The following SRPK1 variants were observed in gnomAD, a reference collection of about 807,000 sequenced individuals.
The protein encoded by SRPK1 is SFRS protein kinase 1.
A neutral mutation model predicts 89.5 loss-of-function variants in SRPK1; 52 were observed. The observed-to-expected ratio is 0.58, with a 90% CI of 0.46 to 0.73. SRPK1 has a LOEUF of 0.73. Among genes scored for constraint, SRPK1 ranks in the 30% least tolerant of loss-of-function variants. The pLI, the probability that SRPK1 is intolerant of heterozygous loss-of-function variation, is 0.00. For synonymous variants in SRPK1, 255 were observed against 270.2 expected, an observed-to-expected ratio of 0.94 and a Z score of 0.55; for missense variants, 603 against 780.6, an observed-to-expected ratio of 0.77 and a Z score of 2.71.
intron 13 of SRPK1, among the ~76,000 whole-genome samples, chr6:35,856,043 T>G (rs1042441394): frequency 1.3e-5 from 2 of 152,116 alleles, no homozygotes; most frequent in Non-Finnish European, 2.9e-5. Context: ...TAGTTTTAGA[T>G]GAAAGTTGGA....
chr6:35,883,888 C>T (rs1770349277), intron 6 of SRPK1, among the ~76,000 whole-genome samples: 1 of 151,982 alleles, frequency 6.6e-6, no homozygotes, highest in African/African-American at 2.4e-5. Context: ...GCGCCTGCCA[C>T]CACGCCCAGC....
At chr6:35,853,884 AT>A (rs1202393460) in intron 13 of SRPK1, among the ~76,000 whole-genome samples, 1 of 134,338 alleles carries the variant, frequency 7.4e-6, no homozygotes, top group Non-Finnish European at 1.6e-5. Flanking sequence ...GCATTCGGAG[AT>A]TGTTTTTTTT....
At chr6:35,856,977 CCAA>C (rs1769678840) in intron 13 of SRPK1, 2 of 308,904 alleles carry the variant, frequency 6.5e-6, no homozygotes, top group East Asian at 1.1e-4. Flanking sequence ...CTAATCAAAA[CCAA>C]CAACACCTCT....
At chr6:35,883,462 C>T (rs1021014778) in intron 6 of SRPK1, among the ~76,000 whole-genome samples, 3 of 134,860 alleles carry the variant, frequency 2.2e-5, no homozygotes, top group Non-Finnish European at 4.9e-5. Flanking sequence ...ATGCAGATTA[C>T]TTAAAAAGAC....
Position 35,842,748 on chromosome 6 carries a change from C to T in SRPK1, c.1621-144G>A, listed in dbSNP as rs139966387. On this transcript the variant is annotated intron_variant, in intron 13 of 15. Transcript: ENST00000373825. ...ATTTAAAAAAAAAAAAAAACAAAAA[C>T]TTAAGATTATTCCTAAAGCATTCCT... The T allele has an allele frequency of 6.2e-3, 3,065 of 498,092 alleles. 212 individuals carry two copies. The Admixed American group carries it at 0.11, about 18-fold the overall frequency. The allele number at this position is 498,092 out of a possible 1,614,324, so 30.9% of individuals were successfully genotyped here.
intron 2 of SRPK1, among the ~76,000 whole-genome samples, chr6:35,902,556 G>A (rs1561994045): frequency 6.6e-6 from 1 of 152,164 alleles, no homozygotes; most frequent in Non-Finnish European, 1.5e-5. Context: ...TACTGGGCTA[G>A]GCACTCAATG....
intron 13 of SRPK1, among the ~76,000 whole-genome samples, chr6:35,848,411 G>A (rs1485708969): frequency 6.6e-6 from 1 of 152,112 alleles, no homozygotes; most frequent in Non-Finnish European, 1.5e-5. Flanking sequence ...TACAAAAATA[G>A]TTGGATGTGG....
rs1370515542 is a variant in SRPK1, at chr6:35,890,025, A to G, written c.193+870T>C. ...CGGGAGGCTGAGGCAGGAGAATGGC[A>G]TGAACCCGGGAGGCAGAGCTTGCAG... On this transcript the variant is annotated intron_variant, in intron 3 of 15. Transcript: ENST00000373825. Among the ~76,000 whole-genome samples the G allele has an allele frequency of 4.0e-5, 6 of 151,488 alleles. No individual in the cohort carries two copies. In the East Asian group the frequency reaches 1.2e-3, roughly 30 times the overall value.
intron 13 of SRPK1, among the ~76,000 whole-genome samples, chr6:35,847,341 A>G (rs1769446954): frequency 2.0e-5 from 3 of 152,014 alleles, no homozygotes; most frequent in Admixed American, 1.3e-4. Context: ...AAGTAGCTGA[A>G]ACTACAGGTA....
intron 13 of SRPK1, among the ~76,000 whole-genome samples, chr6:35,853,828 A>T (rs1769609073): frequency 6.6e-6 from 1 of 152,138 alleles, no homozygotes; most frequent in Admixed American, 6.5e-5. Context: ...CCAGAGAAGA[A>T]GATAATCTCA....
chr6:35,911,831 T>C (rs937390683), intron 2 of SRPK1, among the ~76,000 whole-genome samples: 1 of 152,116 alleles, frequency 6.6e-6, no homozygotes, highest in South Asian at 2.1e-4. Flanking sequence ...TCTTAATTTA[T>C]AAAACAGTAG....
Position 35,915,991 on chromosome 6 carries a change from A to AAT in SRPK1, c.74+4475_74+4476dup, listed in dbSNP as rs1286740833. Reference sequence around the variant, plus strand: ...TGTCTCAAAAACAAAAAAAAAAAAAAATATATACACACACACACACACACA... The same window carrying AAT: ...TGTCTCAAAAACAAAAAAAAAAAAAAATATATATACACACACACACACACACA... On this transcript the variant is annotated intron_variant, in intron 2 of 15. Coordinates refer to ENST00000373825, the MANE Select transcript of SRPK1 (RefSeq NM_003137.5). Among the ~76,000 whole-genome samples the AAT allele has an allele frequency of 9.4e-4, 81 of 86,282 alleles. 1 individual carries two copies. Among genetic ancestry groups the AAT allele is most frequent in the Middle Eastern group, 0.01 (2 of 198 alleles). The allele number at this position is 86,282 out of a possible 152,430, so 56.6% of individuals were successfully genotyped here. A position where few individuals can be genotyped will look rare whatever the true frequency, so the allele number is the denominator to read the frequency against.
intron 2 of SRPK1, chr6:35,919,978 T>C (rs377476872): frequency 2.3e-6 from 1 of 426,832 alleles, no homozygotes; most frequent in South Asian, 1.7e-5. Flanking sequence ...AAAAGCCCCA[T>C]GCCCTCCTCT....
chr6:35,837,608 A>C (rs906067151), intron 15 of SRPK1, among the ~76,000 whole-genome samples: 1 of 150,864 alleles, frequency 6.6e-6, no homozygotes, highest in Non-Finnish European at 1.5e-5. Context: ...CCCATGCTGG[A>C]GTGCAGTGGC....
chr6:35,858,617 C>T (rs1167819079), intron 12 of SRPK1, among the ~76,000 whole-genome samples: 1 of 152,164 alleles, frequency 6.6e-6, no homozygotes, highest in East Asian at 1.9e-4. Context: ...ACAAAGCCAA[C>T]TGAGAGTGAA....
At chr6:35,873,283 T>A (rs773692256) in intron 7 of SRPK1, among the ~76,000 whole-genome samples, 1 of 152,216 alleles carries the variant, frequency 6.6e-6, no homozygotes, top group Non-Finnish European at 1.5e-5. Context: ...TAATCTGACA[T>A]AGCAATTATC....
intron 2 of SRPK1, among the ~76,000 whole-genome samples, chr6:35,899,999 G>A (rs1385936843): frequency 1.3e-4 from 18 of 143,142 alleles, no homozygotes; most frequent in Middle Eastern, 3.4e-3. Flanking sequence ...AGACTCCATC[G>A]CAAAAAAAAA....
At chr6:35,896,490 GTGGGAATGT>G (rs1034738698) in intron 2 of SRPK1, among the ~76,000 whole-genome samples, 1 of 152,212 alleles carries the variant, frequency 6.6e-6, no homozygotes, top group African/African-American at 2.4e-5. Flanking sequence ...CACATCGCTG[GTGGGAATGT>G]AAAATGGCAC....
intron 2 of SRPK1, among the ~76,000 whole-genome samples, chr6:35,914,341 TGGGC>T (rs1481096794): frequency 1.4e-4 from 21 of 152,146 alleles, no homozygotes; most frequent in Non-Finnish European, 2.6e-4. Flanking sequence ...ATATTAAAAA[TGGGC>T]AAAAAATTCA....
Sources: gnomAD v4.1 joint callset for allele counts (sites outside exome capture counted in the v4.1 genomes callset) on GRCh38, gnomAD v4.1.1 for gene constraint, MANE v1.5 for transcripts, NCBI Gene and HGNC (gene_info 2026-07-23, HGNC 2026-07-21) for gene names.